The following DOCK11 variants were observed in gnomAD, a reference collection of about 807,000 sequenced individuals.
DOCK11 encodes the protein dedicator of cytokinesis 11.
A neutral mutation model predicts 169.1 loss-of-function variants in DOCK11; 70 were observed. The ratio of observed to expected loss-of-function variants is 0.41; its 90% CI spans 0.34 to 0.51. DOCK11 has a LOEUF of 0.51. Ranked by LOEUF, DOCK11 falls within the 20% of genes least tolerant of loss-of-function variation. DOCK11 has a pLI of 0.10. For missense variants in DOCK11, 1,166 were observed against 1,538.8 expected (o/e 0.76, Z 4.05); for synonymous variants, 529 against 541.3 (o/e 0.98, Z 0.32).
chrX:118,511,121 T>C (rs1206353928), intron 1 of DOCK11, among the ~76,000 whole-genome samples: 2 of 112,311 alleles, frequency 1.8e-5, no homozygotes, highest in East Asian at 5.6e-4. Flanking sequence ...TTGGTTCTAA[T>C]TGGCCACGGC....
intron 6 of DOCK11, among the ~76,000 whole-genome samples, chrX:118,554,159 C>T (rs1448677749): frequency 2.7e-5 from 3 of 111,554 alleles, no homozygotes; most frequent in African/African-American, 6.5e-5. Flanking sequence ...CATCCCACCA[C>T]GCCTGGCTAC....
In DOCK11 at chrX:118,673,551, T is replaced by G. The variant is rs1371310099; in HGVS notation, c.5200-2385T>G. Among the ~76,000 whole-genome samples the G allele has an allele frequency of 2.7e-5, 3 of 112,036 alleles. No individual in the cohort carries two copies. In the South Asian group the frequency reaches 1.1e-3, roughly 41 times the overall value. On this transcript the variant is annotated intron_variant, in intron 46 of 52. Transcript: ENST00000276202. ...GGAACGGGCTGAAAACTATCAGAGATAGCAGCCAAAGTAAGGAAGATTTCC... is the reference window on the plus strand; with the variant it reads ...GGAACGGGCTGAAAACTATCAGAGAGAGCAGCCAAAGTAAGGAAGATTTCC...
chrX:118,513,617 T>TA (rs2057663955), intron 1 of DOCK11, among the ~76,000 whole-genome samples: 1 of 111,401 alleles, frequency 9.0e-6, no homozygotes, highest in Non-Finnish European at 1.9e-5. Context: ...GTCTCAAATT[T>TA]TAAAAAAAAG....
chrX:118,663,784 C>T (rs1244132153), intron 45 of DOCK11, among the ~76,000 whole-genome samples: 1 of 105,378 alleles, frequency 9.5e-6, no homozygotes, highest in Non-Finnish European at 1.9e-5. Flanking sequence ...AAGTGATTCT[C>T]CTGCCTCAGC....
chrX:118,560,803 C>G (rs911151490), intron 6 of DOCK11, among the ~76,000 whole-genome samples: 1 of 111,170 alleles, frequency 9.0e-6, no homozygotes, highest in Non-Finnish European at 1.9e-5. Context: ...TGGCATAGTT[C>G]CATTAGGCCT....
rs1371099970 is a variant in DOCK11, at chrX:118,538,736, A to C, written c.103-3989A>C. 3 of 699,416 alleles carry C rather than the reference A, an allele frequency of 4.3e-6. No individual in the cohort carries two copies. The African/African-American group carries it at 7.1e-5, about 17-fold the overall frequency. The allele number at this position is 699,416 out of a possible 1,213,427, so 57.6% of individuals were successfully genotyped here. On this transcript the variant is annotated intron_variant, in intron 1 of 52. Transcript: ENST00000276202. The stretch of plus-strand genomic sequence containing the variant: ...TAACGGGTTTTTGGAGTTATGAAAA[A>C]GCACCTTTGCAGGCCAATCAGTGCA...
At chrX:118,537,836 G>A (rs190338178) in intron 1 of DOCK11, among the ~76,000 whole-genome samples, 2 of 111,462 alleles carry the variant, frequency 1.8e-5, no homozygotes, top group East Asian at 2.8e-4. Flanking sequence ...CTATTCTGAC[G>A]AGTTTCCTTT....
At position 118,685,921 on chromosome X, in the gene DOCK11, A is replaced by G; in HGVS notation, c.*114A>G. ...CATGGAGTGTTTCTTCTCGACACCA[A>G]AATTTTCATGTGTTCCAACAGGGTG... On this transcript the variant is annotated 3_prime_UTR_variant, in exon 53 of 53. Transcript: ENST00000276202. The G allele has an allele frequency of 5.1e-6, 5 of 985,179 alleles. No individual in the cohort carries two copies. Among genetic ancestry groups the G allele is most frequent in the Non-Finnish European group, 6.8e-6 (5 of 736,799 alleles). 81.2% of individuals were successfully genotyped at this position (985,179 alleles called of 1,213,427 possible).
Position 118,559,326 on chromosome X carries a change from A to G in DOCK11, c.559-2057A>G, listed in dbSNP as rs1031933925. On this transcript the variant is annotated intron_variant, in intron 6 of 52. Transcript: ENST00000276202. ...TTTGTTGCTGGCTGTTGACTCTGCA[A>G]GTGGATTCTGTAGGCTGTCCCACTG... Among the ~76,000 whole-genome samples the G allele has an allele frequency of 3.0e-4, 34 of 112,085 alleles. 1 individual carries two copies. Among genetic ancestry groups the G allele is most frequent in the Admixed American group, 1.0e-3 (11 of 10,496 alleles).
chrX:118,510,687 C>A (rs920945839), intron 1 of DOCK11, among the ~76,000 whole-genome samples: 1 of 110,890 alleles, frequency 9.0e-6, no homozygotes, highest in Non-Finnish European at 1.9e-5. Flanking sequence ...AACTATTTGG[C>A]CACAAGTCCC....
intron 1 of DOCK11, among the ~76,000 whole-genome samples, chrX:118,496,765 G>T (rs1316397328): frequency 9.0e-6 from 1 of 111,505 alleles, no homozygotes; most frequent in Non-Finnish European, 1.9e-5. Context: ...TGTGTCCCTC[G>T]GGGACACGCG....
At chrX:118,610,968 G>A (rs1440116098) in intron 28 of DOCK11, among the ~76,000 whole-genome samples, 1 of 111,490 alleles carries the variant, frequency 9.0e-6, no homozygotes, top group East Asian at 2.8e-4. Flanking sequence ...GAACCTGGGA[G>A]GTGGAGGTTT....
chrX:118,657,663 C>T (rs1410886938), intron 44 of DOCK11, among the ~76,000 whole-genome samples: 4 of 111,780 alleles, frequency 3.6e-5, no homozygotes, highest in Non-Finnish European at 5.6e-5. Context: ...CTAGCTATAC[C>T]GAGGTCGACT....
At chrX:118,570,164 T>C (rs146175065) in intron 10 of DOCK11, among the ~76,000 whole-genome samples, 2,334 of 112,122 alleles carry the variant, frequency 0.021, 31 homozygotes, top group Non-Finnish European at 0.033. Flanking sequence ...CCCATAATTT[T>C]ACCTTTTCTT....
chrX:118,629,675 G>A (rs1321070187), intron 34 of DOCK11, among the ~76,000 whole-genome samples: 1 of 110,192 alleles, frequency 9.1e-6, no homozygotes, highest in Non-Finnish European at 1.9e-5. Context: ...TAGAAATAGG[G>A]TCTTGCTCTG....
intron 14 of DOCK11, among the ~76,000 whole-genome samples, chrX:118,580,883 G>A (rs2013611620): frequency 8.9e-6 from 1 of 111,990 alleles, no homozygotes; most frequent in Non-Finnish European, 1.9e-5. Flanking sequence ...AATATTTCTG[G>A]AAAACATACT....
intron 24 of DOCK11, among the ~76,000 whole-genome samples, chrX:118,605,795 C>T (rs1355060731): frequency 8.9e-6 from 1 of 111,982 alleles, no homozygotes; most frequent in African/African-American, 3.2e-5. Context: ...TCTATTTGGT[C>T]TAAGTGTAGT....
At chrX:118,646,705 G>A (rs1487997667) in intron 40 of DOCK11, among the ~76,000 whole-genome samples, 1 of 111,532 alleles carries the variant, frequency 9.0e-6, no homozygotes, top group Non-Finnish European at 1.9e-5. Context: ...CAGAGTATCT[G>A]CTTCATCCAG....
At chrX:118,658,610 G>A (rs2016138629) in intron 44 of DOCK11, among the ~76,000 whole-genome samples, 1 of 111,819 alleles carries the variant, frequency 8.9e-6, no homozygotes, top group African/African-American at 3.3e-5. Context: ...CTTTCAGGCA[G>A]CCTGAGCTCT....
Sources: gnomAD v4.1 joint callset for allele counts (sites outside exome capture counted in the v4.1 genomes callset) on GRCh38, gnomAD v4.1.1 for gene constraint, MANE v1.5 for transcripts, NCBI Gene and HGNC (gene_info 2026-07-23, HGNC 2026-07-21) for gene names.